The following PRDM1 variants were observed in gnomAD, a reference collection of about 807,000 sequenced individuals.
The protein encoded by PRDM1 is PR domain zinc finger protein 1.
Under a neutral mutation model 62.8 loss-of-function variants are expected in PRDM1, and 13 were observed. The observed-to-expected ratio is 0.21, with a 90% CI of 0.13 to 0.33. PRDM1 has a LOEUF of 0.33. PRDM1 is among the 10% of genes least tolerant of loss of function. The pLI, the probability that PRDM1 is intolerant of heterozygous loss-of-function variation, is 1.00. For synonymous variants in PRDM1, 396 were observed against 417.6 expected (o/e 0.95, Z 0.63); for missense variants, 895 against 1,058.8 (o/e 0.85, Z 2.15).
intron 1 of PRDM1, among the ~76,000 whole-genome samples, chr6:106,039,835 T>TC (rs1772968925): frequency 6.6e-6 from 1 of 152,256 alleles, no homozygotes; most frequent in African/African-American, 2.4e-5. Flanking sequence ...ATCCCTGCCT[T>TC]AATCAGTTAG....
chr6:106,016,131 G>A (rs1403939087), intron 1 of PRDM1, among the ~76,000 whole-genome samples: 1 of 152,154 alleles, frequency 6.6e-6, no homozygotes, highest in African/African-American at 2.4e-5. Context: ...CAAGGAACAT[G>A]CATATTGTAG....
chr6:106,085,764 A>G (rs903060816), upstream of PRDM1, among the ~76,000 whole-genome samples: 4 of 150,048 alleles, frequency 2.7e-5, no homozygotes, highest in African/African-American at 4.9e-5. Context: ...ACTTTTGCCT[A>G]TTTCCCTATT....
intron 1 of PRDM1, among the ~76,000 whole-genome samples, chr6:106,035,559 G>A (rs1009621550): frequency 9.9e-5 from 15 of 152,092 alleles, no homozygotes; most frequent in Admixed American, 2.6e-4. Context: ...AGCCTGGGAC[G>A]TCGAGGCTGC....
intron 1 of PRDM1, among the ~76,000 whole-genome samples, chr6:106,066,685 G>A (rs768436883): frequency 1.1e-4 from 17 of 151,992 alleles, no homozygotes; most frequent in Non-Finnish European, 2.2e-4. Flanking sequence ...GAAATCAATA[G>A]CATTTCTACC....
At chr6:106,016,050 A>G (rs530003257) in intron 1 of PRDM1, among the ~76,000 whole-genome samples, 2 of 152,312 alleles carry the variant, frequency 1.3e-5, no homozygotes, top group East Asian at 3.9e-4. Flanking sequence ...TGGCTCATAT[A>G]TATATGTAAA....
At chr6:106,073,807 C>G (rs1041008943) in intron 1 of PRDM1, among the ~76,000 whole-genome samples, 4 of 152,164 alleles carry the variant, frequency 2.6e-5, no homozygotes, top group Non-Finnish European at 5.9e-5. Context: ...CATCTGCATT[C>G]CTTAGAGGCC....
At chr6:106,025,816 A>T (rs1212642304) in intron 1 of PRDM1, among the ~76,000 whole-genome samples, 1 of 152,220 alleles carries the variant, frequency 6.6e-6, no homozygotes, top group Non-Finnish European at 1.5e-5. Context: ...ATACTAAACT[A>T]ATGTCTTTCT....
rs767755211 is a variant in PRDM1, at chr6:106,105,494, C to G, written c.1334C>G (p.Pro445Arg). The change falls in exon 5 of 7, where the codon CCT becomes CGT. Residue 445 changes from proline to arginine, a missense_variant. Physicochemically the swap from Pro to Arg is moderately radical, Grantham distance 103. Around this residue, in one of 4 missense-constraint regions of PRDM1, gnomAD observed 444 missense variants for 422.7 expected, o/e 1.05. Coordinates refer to ENST00000369096, the MANE Select transcript of PRDM1 (RefSeq NM_001198.4). ...TTTGGCCTCTTCCCGAGGCTGTGCC[C>G]TGTCTACAGCAATCTCCTCGGTGGG... is the stretch of plus-strand genomic sequence containing the variant. ...NNFGLFPRLC[P>R]VYSNLLGGGS... 1 of 1,614,070 alleles carries G rather than the reference C, an allele frequency of 6.2e-7. No homozygotes were observed. Among genetic ancestry groups the G allele is most frequent in the South Asian group, 1.1e-5 (1 of 91,080 alleles).
chr6:106,046,034 T>G (rs1257184815), upstream of PRDM1: 1 of 151,992 alleles, frequency 6.6e-6, no homozygotes, highest in Non-Finnish European at 1.5e-5. Context: ...ATGTCACCAT[T>G]GTTTGAAGAA....
At chr6:106,068,208 C>T (rs1449772997) in intron 1 of PRDM1, among the ~76,000 whole-genome samples, 1 of 152,020 alleles carries the variant, frequency 6.6e-6, no homozygotes, top group Non-Finnish European at 1.5e-5. Flanking sequence ...TCTCCTGCCT[C>T]AGTCTCCCTG....
intron 1 of PRDM1, among the ~76,000 whole-genome samples, chr6:106,075,177 A>T (rs1233104311): frequency 6.6e-6 from 1 of 152,146 alleles, no homozygotes; most frequent in Admixed American, 6.5e-5. Context: ...ATATATCAGC[A>T]TACCTTATAT....
chr6:106,107,662 GA>G lies in PRDM1; in HGVS notation c.*178del, dbSNP rs1395973595. ...CAAAGTTACTGAAATCTCAGGGCAT[GA>G]ACAAGGCAAAGGCCATATATATATA... On this transcript the variant is annotated 3_prime_UTR_variant, in exon 7 of 7. Transcript: ENST00000369096. 1.4e-5 allele frequency: 5 copies of G among 368,820 alleles called. No individual in the cohort carries two copies. The highest frequency in any genetic ancestry group is 5.0e-5 in the Admixed American group (1 of 20,080). The allele number at this position is 368,820 out of a possible 1,614,324, so 22.8% of individuals were successfully genotyped here. A position where few individuals can be genotyped will look rare whatever the true frequency, so the allele number is the denominator to read the frequency against.
At chr6:106,059,183 T>C (rs1276632983) in intron 1 of PRDM1, among the ~76,000 whole-genome samples, 1 of 152,120 alleles carries the variant, frequency 6.6e-6, no homozygotes, top group African/African-American at 2.4e-5. Flanking sequence ...AGCACATTAA[T>C]TAATTCAATT....
intron 1 of PRDM1, among the ~76,000 whole-genome samples, chr6:106,054,127 G>A (rs1291744055): frequency 1.3e-5 from 2 of 151,800 alleles, no homozygotes; most frequent in Non-Finnish European, 2.9e-5. Flanking sequence ...AAAGACTGAT[G>A]GTGTCATGAG....
chr6:106,049,563 C>T (rs1405133773), intron 1 of PRDM1, among the ~76,000 whole-genome samples: 4 of 152,166 alleles, frequency 2.6e-5, no homozygotes, highest in African/African-American at 4.8e-5. Context: ...GGCTCAGCTC[C>T]GATGACACCT....
At chr6:106,023,977 A>G (rs1337615061) in intron 1 of PRDM1, among the ~76,000 whole-genome samples, 1 of 152,114 alleles carries the variant, frequency 6.6e-6, no homozygotes, top group Non-Finnish European at 1.5e-5. Context: ...CCACATCTCT[A>G]CAAAAAATTT....
At chr6:106,101,673 T>A (rs1774277465) in intron 4 of PRDM1, among the ~76,000 whole-genome samples, 2 of 152,200 alleles carry the variant, frequency 1.3e-5, no homozygotes, top group South Asian at 4.1e-4. Context: ...GAGACTGTGA[T>A]CAGGAAAATT....
In PRDM1 at chr6:106,107,658, G is replaced by A; in HGVS notation, c.*172G>A. 1 of 406,520 alleles carries A rather than the reference G, an allele frequency of 2.5e-6. No individual in the cohort carries two copies. The allele number at this position is 406,520 out of a possible 1,614,324, so 25.2% of individuals were successfully genotyped here. A position where few individuals can be genotyped will look rare whatever the true frequency, so the allele number is the denominator to read the frequency against. ...ACTCCAAAGTTACTGAAATCTCAGG[G>A]CATGAACAAGGCAAAGGCCATATAT... is the stretch of plus-strand genomic sequence containing the variant. On this transcript the variant is annotated 3_prime_UTR_variant, in exon 7 of 7. Coordinates refer to ENST00000369096, the MANE Select transcript of PRDM1 (RefSeq NM_001198.4).
chr6:106,036,445 T>C (rs936330290), intron 1 of PRDM1, among the ~76,000 whole-genome samples: 1 of 152,206 alleles, frequency 6.6e-6, no homozygotes, highest in Non-Finnish European at 1.5e-5. Flanking sequence ...TTTCTTTGTA[T>C]TTGCCATGAG....
Sources: gnomAD v4.1 joint callset for allele counts (sites outside exome capture counted in the v4.1 genomes callset) on GRCh38, gnomAD v4.1.1 for gene constraint, gnomAD v4.1.1 regional missense constraint, MANE v1.5 for transcripts, NCBI Gene and HGNC (gene_info 2026-07-23, HGNC 2026-07-21) for gene names.